The following KLHL6 variants were observed in gnomAD, a reference collection of about 807,000 sequenced individuals.
KLHL6 encodes kelch-like protein 6.
KLHL6 carries 41 observed loss-of-function variants against 58.6 expected under a neutral mutation model. The ratio of observed to expected loss-of-function variants is 0.70; its 90% CI spans 0.55 to 0.91. The LOEUF is 0.91. KLHL6 is among the 40% of genes least tolerant of loss of function. The pLI, the probability that KLHL6 is intolerant of heterozygous loss-of-function variation, is 0.00. For synonymous variants in KLHL6, 338 were observed against 322.7 expected (o/e 1.05, Z -0.51); for missense variants, 714 against 805.6 (o/e 0.89, Z 1.38).
At chr3:183,530,959 G>C (rs1473815398) in intron 1 of KLHL6, among the ~76,000 whole-genome samples, 1 of 151,766 alleles carries the variant, frequency 6.6e-6, no homozygotes, top group Non-Finnish European at 1.5e-5. Flanking sequence ...AGCCTCTGGA[G>C]TAGCTGGGAT....
intron 1 of KLHL6, among the ~76,000 whole-genome samples, chr3:183,552,732 A>AG (rs1280903737): frequency 6.6e-6 from 1 of 151,438 alleles, no homozygotes; most frequent in South Asian, 2.1e-4. Context: ...AAAAAAAAAA[A>AG]AAAAAAAAAA....
At chr3:183,530,472 G>A (rs931775333) in intron 1 of KLHL6, among the ~76,000 whole-genome samples, 1 of 152,132 alleles carries the variant, frequency 6.6e-6, no homozygotes. Context: ...ATTTAGCTGC[G>A]GATACGTCTG....
intron 5 of KLHL6, chr3:183,493,547 T>G (rs1451557057): frequency 6.5e-6 from 1 of 154,788 alleles, no homozygotes; most frequent in African/African-American, 2.4e-5. Flanking sequence ...ATGAGGTGGC[T>G]TTTCTTTTCC....
At chr3:183,514,142 C>T (rs1577186280) in intron 2 of KLHL6, among the ~76,000 whole-genome samples, 1 of 152,320 alleles carries the variant, frequency 6.6e-6, no homozygotes, top group East Asian at 1.9e-4. Flanking sequence ...AGACAAAGCG[C>T]CTGCGCTCAT....
chr3:183,539,603 G>A (rs187210087), intron 1 of KLHL6, among the ~76,000 whole-genome samples: 175 of 152,062 alleles, frequency 1.2e-3, no homozygotes, highest in African/African-American at 3.8e-3. Context: ...CAGCTTCTCG[G>A]GAGGCTGAGG....
At chr3:183,493,155 T>A (rs1349216445) in intron 5 of KLHL6, 1 of 194,124 alleles carries the variant, frequency 5.2e-6, no homozygotes, top group African/African-American at 2.4e-5. Context: ...TGGCCACAGG[T>A]AAGCAGACTC....
chr3:183,534,948 ATAT>A (rs1293310336), intron 1 of KLHL6, among the ~76,000 whole-genome samples: 4 of 31,020 alleles, frequency 1.3e-4, no homozygotes, highest in African/African-American at 1.6e-4. Flanking sequence ...ATATATATAT[ATAT>A]TTTTTTTTTT....
rs1367673441 is a variant in KLHL6 at position 183,531,441 on chromosome 3, G to GTATTTTTTTTTTTTTTTTTTTTTTTTT, written c.294-3432_294-3431insAAAAAAAAAAAAAAAAAAAAAAAAATA. Among the ~76,000 whole-genome samples the GTATTTTTTTTTTTTTTTTTTTTTTTTT allele has an allele frequency of 8.8e-5, 9 of 102,100 alleles. 2 individuals are homozygous for GTATTTTTTTTTTTTTTTTTTTTTTTTT. Among genetic ancestry groups the GTATTTTTTTTTTTTTTTTTTTTTTTTT allele is most frequent in the Non-Finnish European group, 8.7e-5 (4 of 45,836 alleles). 67.0% of individuals were successfully genotyped at this position (102,100 alleles called of 152,430 possible). A position where few individuals can be genotyped will look rare whatever the true frequency, so the allele number is the denominator to read the frequency against. ...CCTTCTTTCTGTTCTTTTTTTGTCT[G>GTATTTTTTTTTTTTTTTTTTTTTTTTT]TGTTTTTTTTTTTTTTTTTTTTTTT... is the stretch of plus-strand genomic sequence containing the variant. On this transcript the variant is annotated intron_variant, in intron 1 of 6. Transcript: ENST00000341319.
intron 1 of KLHL6, among the ~76,000 whole-genome samples, chr3:183,541,889 G>T (rs150662804): frequency 2.0e-5 from 3 of 152,076 alleles, no homozygotes; most frequent in African/African-American, 4.8e-5. Context: ...GCAGGAGAAG[G>T]GTTGATAAGG....
Position 183,492,823 on chromosome 3 carries a change from T to G in KLHL6, c.1351-116A>C. The G allele has an allele frequency of 1.1e-6, 1 of 885,690 alleles. No homozygotes were observed. The highest frequency in any genetic ancestry group is 1.7e-6 in the Non-Finnish European group (1 of 573,436). 54.9% of individuals were successfully genotyped at this position (885,690 alleles called of 1,614,324 possible). On this transcript the variant is annotated intron_variant, in intron 5 of 6. Coordinates refer to ENST00000341319, the MANE Select transcript of KLHL6 (RefSeq NM_130446.4). The surrounding 1 kb of genome is among the most constrained non-coding windows in gnomAD (Gnocchi z 5.9). ...CACAGAACTGGGCATCTTTTGCCTA[T>G]AGTCACAAGGCCCATGGGCTTGACT...
intron 3 of KLHL6, 23 bp downstream of exon 3, chr3:183,508,036 A>G (rs1374114555): frequency 3.2e-5 from 52 of 1,600,184 alleles, no homozygotes; most frequent in Non-Finnish European, 4.0e-5. Flanking sequence ...GGTTAAATAT[A>G]GCACCTCTTA....
chr3:183,506,341 G>GTAATTAGTAAATGAGT (rs1718001564), intron 3 of KLHL6, among the ~76,000 whole-genome samples: 1 of 152,160 alleles, frequency 6.6e-6, no homozygotes, highest in South Asian at 2.1e-4. Flanking sequence ...CATTCAACAA[G>GTAATTAGTAAATGAGT]CATTTACTAA....
chr3:183,515,308 G>A (rs997966159), intron 2 of KLHL6, among the ~76,000 whole-genome samples: 2 of 152,196 alleles, frequency 1.3e-5, no homozygotes, highest in Admixed American at 1.3e-4. Context: ...AGCACTTTGG[G>A]AGGCCAAGGT....
intron 3 of KLHL6, among the ~76,000 whole-genome samples, chr3:183,504,494 G>A (rs1161564076): frequency 6.6e-6 from 1 of 152,060 alleles, no homozygotes; most frequent in East Asian, 1.9e-4. Context: ...TCTGCCCCCA[G>A]CACCTCGGAA....
At chr3:183,551,761 G>C (rs544808027) in intron 1 of KLHL6, among the ~76,000 whole-genome samples, 20 of 152,308 alleles carry the variant, frequency 1.3e-4, no homozygotes, top group Non-Finnish European at 2.5e-4. Flanking sequence ...GAAGTTGAAA[G>C]TGGTAGCCTT....
intron 1 of KLHL6, among the ~76,000 whole-genome samples, chr3:183,545,920 C>G (rs1278767754): frequency 6.6e-6 from 1 of 152,186 alleles, no homozygotes; most frequent in Non-Finnish European, 1.5e-5. Context: ...CTGCTCTGGC[C>G]AGGATGCTAC....
chr3:183,508,215 G>C lies in KLHL6; in HGVS notation c.753C>G (p.Leu251=), dbSNP rs771984954. ...SWVRHKPSER[L]CLLPYVLENV... ...TCTCGAGGACATAGGGGAGTAAGCAGAGTCGTTCTGATGGCTTGTGCCGGA... is the reference window on the plus strand; with the variant it reads ...TCTCGAGGACATAGGGGAGTAAGCACAGTCGTTCTGATGGCTTGTGCCGGA... The change falls in exon 3 of 7, where the codon CTC becomes CTG. Residue 251 remains leucine, a synonymous_variant. Transcript: ENST00000341319. 1.9e-6 allele frequency: 3 copies of C among 1,614,192 alleles called. No homozygotes were observed. The highest frequency in any genetic ancestry group is 2.5e-6 in the Non-Finnish European group (3 of 1,180,040).
Position 183,492,420 on chromosome 3 carries a change from A to G in KLHL6, c.1564+74T>C. ...TTGCCAGCGCTGGAGACACCGCGAC[A>G]CACCGTTTACGTGCTGCAGCCAGGC... On this transcript the variant is annotated intron_variant, in intron 6 of 6. Transcript: ENST00000341319. The surrounding 1 kb of genome is among the most constrained non-coding windows in gnomAD (Gnocchi z 5.9). The G allele has an allele frequency of 6.5e-7, 1 of 1,533,870 alleles. No homozygotes were observed. Among genetic ancestry groups the G allele is most frequent in the Non-Finnish European group, 9.0e-7 (1 of 1,114,358 alleles).
chr3:183,523,833 C>T (rs1711854019), intron 2 of KLHL6, among the ~76,000 whole-genome samples: 1 of 152,126 alleles, frequency 6.6e-6, no homozygotes, highest in South Asian at 2.1e-4. Flanking sequence ...AATCTCAGCT[C>T]ACTGCAACCT....
Sources: allele counts gnomAD v4.1 joint callset (sites outside exome capture counted in the v4.1 genomes callset), GRCh38; gene constraint gnomAD v4.1.1; non-coding constraint Gnocchi (gnomAD v3.1); transcripts MANE v1.5; gene names NCBI Gene and HGNC (gene_info 2026-07-23, HGNC 2026-07-21).